HECTD4: variants seen among roughly 807,000 people sequenced by gnomAD.
HECTD4 encodes probable E3 ubiquitin-protein ligase HECTD4.
In HECTD4, 114 loss-of-function variants were observed where a neutral mutation model predicts 471.5. The ratio of observed to expected loss-of-function variants is 0.24; its 90% CI spans 0.21 to 0.28. HECTD4 has a LOEUF of 0.28. HECTD4 is among the 10% of genes least tolerant of loss of function. The probability of loss-of-function intolerance (pLI) is 1.00; values close to 1 mark genes in which losing one functional copy is unlikely to be tolerated. For missense variants in HECTD4, 3,866 were observed against 5,651.5 expected, an observed-to-expected ratio of 0.68 and a Z score of 10.13; for synonymous variants, 2,012 against 2,256.0, an observed-to-expected ratio of 0.89 and a Z score of 3.07.
chr12:112,247,457 C>A lies in HECTD4; in HGVS notation c.4337+5G>T. On this transcript the variant is annotated splice_donor_5th_base_variant and intron_variant, in intron 28 of 75. Transcript: ENST00000682272. ...ATAGCCTTAATAGTTATTAATACGA[C>A]TAACCTCAGTGATAGGACCATGTTT... is the stretch of plus-strand genomic sequence containing the variant. 1 of 1,465,160 alleles carries A rather than the reference C, an allele frequency of 6.8e-7. No homozygotes were observed. The highest frequency in any genetic ancestry group is 2.1e-5 in the Admixed American group (1 of 46,848). 90.8% of individuals were successfully genotyped at this position (1,465,160 alleles called of 1,614,324 possible).
intron 1 of HECTD4, among the ~76,000 whole-genome samples, chr12:112,364,235 C>T (rs1310347475): frequency 6.6e-6 from 1 of 151,416 alleles, no homozygotes; most frequent in African/African-American, 2.4e-5. Flanking sequence ...AGTAAAACCC[C>T]ATCTCTACAA....
intron 27 of HECTD4, among the ~76,000 whole-genome samples, 173 bp from the exon 28 acceptor site, chr12:112,247,723 A>G (rs1019067681): frequency 6.6e-6 from 1 of 152,104 alleles, no homozygotes; most frequent in African/African-American, 2.4e-5. Flanking sequence ...AATGGCATTG[A>G]CTACTTTCTG....
intron 66 of HECTD4, 58 bp from the exon 67 acceptor site, chr12:112,172,919 G>C (rs2031287628): frequency 9.0e-6 from 13 of 1,444,480 alleles, no homozygotes; most frequent in Non-Finnish European, 8.7e-6. Context: ...CGGGATGACT[G>C]TTGCATTTCT....
chr12:112,174,542 C>T (rs576955568), intron 66 of HECTD4, among the ~76,000 whole-genome samples: 1 of 152,220 alleles, frequency 6.6e-6, no homozygotes, highest in African/African-American at 2.4e-5. Flanking sequence ...GCGTGAGCCA[C>T]CATGCTCAGC....
chr12:112,252,258 C>T (rs1055299248), intron 23 of HECTD4, among the ~76,000 whole-genome samples, 166 bp downstream of exon 23: 1 of 152,174 alleles, frequency 6.6e-6, no homozygotes, highest in Non-Finnish European at 1.5e-5. Context: ...TAGTTTTATT[C>T]TGTAAAAGTA....
chr12:112,326,537 AT>A (rs1817851559), intron 1 of HECTD4, among the ~76,000 whole-genome samples: 1 of 152,172 alleles, frequency 6.6e-6, no homozygotes, highest in Admixed American at 6.5e-5. Context: ...CAATCAGATC[AT>A]TTTAGCCAAT....
intron 7 of HECTD4, among the ~76,000 whole-genome samples, chr12:112,286,358 T>G (rs1948840478): frequency 6.6e-6 from 1 of 152,196 alleles, no homozygotes; most frequent in South Asian, 2.1e-4. Context: ...GTTTACTCTC[T>G]GCATAGCCAG....
rs189486451 is a variant in HECTD4 at position 112,339,189 on chromosome 12, C to T, written c.178-19447G>A. ...AAAGTGGAAACAACCCAAATATCCACCAACAGGAGAATGGGTACACTGTGT... is the reference window on the plus strand; with the variant it reads ...AAAGTGGAAACAACCCAAATATCCATCAACAGGAGAATGGGTACACTGTGT... On this transcript the variant is annotated intron_variant, in intron 1 of 75. Coordinates refer to ENST00000682272, the MANE Select transcript of HECTD4 (RefSeq NM_001388303.1). Among the ~76,000 whole-genome samples, 553 of 151,930 alleles carry T rather than the reference C, an allele frequency of 3.6e-3. 1 individual carries two copies. The highest frequency in any genetic ancestry group is 5.7e-3 in the Non-Finnish European group (390 of 68,000).
rs3835014 is a variant in HECTD4 at position 112,200,884 on chromosome 12, C to CGT, written c.8407-88_8407-87dup. 3,337 of 698,094 alleles carry CGT rather than the reference C, an allele frequency of 4.8e-3. 9 individuals carry two copies. Among genetic ancestry groups the CGT allele is most frequent in the Middle Eastern group, 0.03 (85 of 2,836 alleles). The allele number at this position is 698,094 out of a possible 1,614,324, so 43.2% of individuals were successfully genotyped here. The stretch of plus-strand genomic sequence containing the variant: ...GCGTGCGTGTGTGTGTGCGTGCGTG[C>CGT]GTGTGTGTGTGTGTGTGTGTGTGTG... On this transcript the variant is annotated intron_variant, in intron 54 of 75. Coordinates refer to ENST00000682272, the MANE Select transcript of HECTD4 (RefSeq NM_001388303.1).
Position 112,239,814 on chromosome 12 carries a change from A to C in HECTD4, c.5105+67T>G. On this transcript the variant is annotated intron_variant, in intron 33 of 75. Coordinates refer to ENST00000682272, the MANE Select transcript of HECTD4 (RefSeq NM_001388303.1). This position sits in a 1 kb window ranked among gnomAD's most constrained non-coding sequence, Gnocchi z 4.9. Reference sequence around the variant, plus strand: ...AAAAATCCAATTTTTAAAATTAAAAATACTTTCACTTAATCGACTATACTG... The same window carrying C: ...AAAAATCCAATTTTTAAAATTAAAACTACTTTCACTTAATCGACTATACTG... 5 of 1,427,452 alleles carry C rather than the reference A, an allele frequency of 3.5e-6. No individual in the cohort carries two copies. The highest frequency in any genetic ancestry group is 4.7e-6 in the Non-Finnish European group (5 of 1,062,252). The allele number at this position is 1,427,452 out of a possible 1,614,324, so 88.4% of individuals were successfully genotyped here.
chr12:112,323,960 T>C lies in HECTD4; in HGVS notation c.178-4218A>G, dbSNP rs931056900. Among the ~76,000 whole-genome samples, 35 of 34,450 alleles carry C rather than the reference T, an allele frequency of 1.0e-3. 1 individual carries two copies. The highest frequency in any genetic ancestry group is 1.1e-3 in the Non-Finnish European group (25 of 22,532). The allele number at this position is 34,450 out of a possible 152,430, so 22.6% of individuals were successfully genotyped here. A position where few individuals can be genotyped will look rare whatever the true frequency, so the allele number is the denominator to read the frequency against. ...TTTACTGAGGTGCTTCTTTCTTTCT[T>C]TCTTTCTTCCTTCCTTCCTTCCTTC... On this transcript the variant is annotated intron_variant, in intron 1 of 75. Transcript: ENST00000682272.
chr12:112,232,449 A>G (rs193003078), intron 38 of HECTD4, among the ~76,000 whole-genome samples: 187 of 152,196 alleles, frequency 1.2e-3, no homozygotes, highest in South Asian at 6.8e-3. Context: ...TGTTTTTTCA[A>G]ACAAAACTGT....
At chr12:112,214,798 A>G (rs2032867822) in intron 48 of HECTD4, among the ~76,000 whole-genome samples, 1 of 152,074 alleles carries the variant, frequency 6.6e-6, no homozygotes, top group South Asian at 2.1e-4. Context: ...TAAGAGAAAA[A>G]TTTTTACTTT....
chr12:112,371,074 C>T (rs1566127748), intron 1 of HECTD4, among the ~76,000 whole-genome samples: 1 of 152,058 alleles, frequency 6.6e-6, no homozygotes, highest in South Asian at 2.1e-4. Flanking sequence ...TACCTTCAGA[C>T]CTAGGAAAGA....
At chr12:112,257,796 C>T (rs1006476732) in intron 20 of HECTD4, among the ~76,000 whole-genome samples, 2 of 152,100 alleles carry the variant, frequency 1.3e-5, no homozygotes, top group Non-Finnish European at 2.9e-5. Context: ...TGTTACGAAC[C>T]TTAATGTCAA....
In HECTD4 at chr12:112,173,636, C is replaced by T. The variant is rs1211550508; in HGVS notation, c.11595-775G>A. 6.6e-6 allele frequency among the ~76,000 whole-genome samples: 1 copy of T among 151,998 alleles called. No homozygotes were observed. The highest frequency in any genetic ancestry group is 1.5e-5 in the Non-Finnish European group (1 of 68,018). On this transcript the variant is annotated intron_variant, in intron 66 of 75. Transcript: ENST00000682272. The surrounding 1 kb of genome is among the most constrained non-coding windows in gnomAD (Gnocchi z 4.3). ...GTCTCAATCTCCTGACCTTGTGATC[C>T]GCCCGCCTCAGCCTCCCAAAGTGCT...
intron 4 of HECTD4, among the ~76,000 whole-genome samples, chr12:112,312,176 G>C (rs561355976): frequency 3.9e-5 from 6 of 152,352 alleles, no homozygotes; most frequent in Non-Finnish European, 8.8e-5. Flanking sequence ...GACTCACTTC[G>C]TGGAGTTTTT....
chr12:112,298,985 G>C (rs1284417370), intron 7 of HECTD4, among the ~76,000 whole-genome samples: 1 of 152,064 alleles, frequency 6.6e-6, no homozygotes, highest in Non-Finnish European at 1.5e-5. Flanking sequence ...AGTACCATAG[G>C]CAGTAAGCCA....
At chr12:112,242,066 A>G (rs2033654204) in intron 32 of HECTD4, among the ~76,000 whole-genome samples, 1 of 152,230 alleles carries the variant, frequency 6.6e-6, no homozygotes, top group Non-Finnish European at 1.5e-5. Flanking sequence ...AAACTCATAT[A>G]GAACAACTCA....
Sources: allele counts gnomAD v4.1 joint callset (sites outside exome capture counted in the v4.1 genomes callset), GRCh38; gene constraint gnomAD v4.1.1; non-coding constraint Gnocchi (gnomAD v3.1); transcripts MANE v1.5; gene names NCBI Gene and HGNC (gene_info 2026-07-23, HGNC 2026-07-21).